CORO7: variants seen among roughly 807,000 people sequenced by gnomAD.
The protein encoded by CORO7 is coronin-7.
CORO7 carries 107 observed loss-of-function variants against 126.6 expected under a neutral mutation model. The observed-to-expected ratio is 0.85, with a 90% CI of 0.72 to 0.99. The LOEUF is 0.99. Among genes scored for constraint, CORO7 ranks in the 50% least tolerant of loss-of-function variants. The probability of loss-of-function intolerance (pLI) is 0.00; values close to 1 mark genes in which losing one functional copy is unlikely to be tolerated. For synonymous variants in CORO7, 603 were observed against 536.8 expected (o/e 1.12, Z -1.70); for missense variants, 1,314 against 1,255.8 (o/e 1.05, Z -0.70).
intron 13 of CORO7, 28 bp from the exon 14 acceptor site, chr16:4,364,441 G>C: frequency 1.3e-6 from 2 of 1,487,068 alleles, no homozygotes; most frequent in Non-Finnish European, 1.8e-6. Context: ...GTGGGGAGAT[G>C]GGGGCATGGG....
chr16:4,407,326 A>G lies in CORO7; in HGVS notation c.487+175T>C, dbSNP rs1038829583. Among the ~76,000 whole-genome samples the G allele has an allele frequency of 1.2e-4, 19 of 152,128 alleles. 1 individual carries two copies. The highest frequency in any genetic ancestry group is 1.3e-4 in the Non-Finnish European group (9 of 68,034). ...GATGAAACTGATGGCTACGGAGAGCAAAGAGAGATGGGGTGTTTATTACAG... is the reference window on the plus strand; with the variant it reads ...GATGAAACTGATGGCTACGGAGAGCGAAGAGAGATGGGGTGTTTATTACAG... On this transcript the variant is annotated intron_variant, in intron 5 of 27. Transcript: ENST00000251166.
intron 23 of CORO7, 158 bp downstream of exon 23, chr16:4,359,138 G>T: frequency 1.3e-6 from 1 of 756,568 alleles, no homozygotes; most frequent in Non-Finnish European, 2.0e-6. Flanking sequence ...AATTCCAGCA[G>T]CAACTCTTCT....
At chr16:4,406,732 T>C (rs2056011363) in intron 5 of CORO7, among the ~76,000 whole-genome samples, 1 of 152,032 alleles carries the variant, frequency 6.6e-6, no homozygotes, top group South Asian at 2.1e-4. Context: ...CTCTGCCTCC[T>C]GGGTTCAGGC....
At chr16:4,382,337 G>C (rs2055013745) in intron 9 of CORO7, 2 of 1,611,286 alleles carry the variant, frequency 1.2e-6, no homozygotes. Flanking sequence ...CTCCAGGGGA[G>C]CTCCGTGCAG....
In CORO7 at chr16:4,416,442, C is replaced by T; in HGVS notation, c.60+17G>A. On this transcript the variant is annotated intron_variant, in intron 1 of 27. Transcript: ENST00000251166. ...GGGGCCCGAGGCGACAGCGCCCGGT[C>T]CTCGGGCCGGACTCACCTCGCGGCG... is the stretch of plus-strand genomic sequence containing the variant. 6.4e-7 allele frequency: 1 copy of T among 1,563,570 alleles called. No individual in the cohort carries two copies. The highest frequency in any genetic ancestry group is 8.6e-7 in the Non-Finnish European group (1 of 1,160,220).
At chr16:4,402,208 G>A (rs2141302661) in intron 6 of CORO7, among the ~76,000 whole-genome samples, 1 of 151,904 alleles carries the variant, frequency 6.6e-6, no homozygotes, top group East Asian at 1.9e-4. Flanking sequence ...AAAGTGCTGG[G>A]ATTACAGGCG....
intron 9 of CORO7, among the ~76,000 whole-genome samples, chr16:4,370,876 G>A (rs1410253158): frequency 6.6e-6 from 1 of 152,240 alleles, no homozygotes; most frequent in Admixed American, 6.5e-5. Context: ...GGCTGGAGGG[G>A]GTGTGGGTGT....
Position 4,362,573 on chromosome 16 carries a change from T to A in CORO7, c.1402+39A>T. 6.6e-7 allele frequency: 1 copy of A among 1,511,436 alleles called. No homozygotes were observed. The highest frequency in any genetic ancestry group is 8.8e-7 in the Non-Finnish European group (1 of 1,133,696). The allele number at this position is 1,511,436 out of a possible 1,614,324, so 93.6% of individuals were successfully genotyped here. A position where few individuals can be genotyped will look rare whatever the true frequency, so the allele number is the denominator to read the frequency against. ...TGACGGGGAGTGGGGCAGACAGGGC[T>A]CCTGCGGTAGGGGTGAGCTCCCCGT... is the stretch of plus-strand genomic sequence containing the variant. On this transcript the variant is annotated intron_variant, in intron 15 of 27. Coordinates refer to ENST00000251166, the MANE Select transcript of CORO7 (RefSeq NM_024535.5). The surrounding 1 kb of genome is among the most constrained non-coding windows in gnomAD (Gnocchi z 5.3).
At chr16:4,361,713 G>T in intron 16 of CORO7, 1 of 788,806 alleles carries the variant, frequency 1.3e-6, no homozygotes, top group Non-Finnish European at 2.1e-6. Context: ...TTAGGGCTCA[G>T]GTGGCCGGGC....
chr16:4,386,602 A>T (rs2141261131), intron 9 of CORO7, among the ~76,000 whole-genome samples: 1 of 152,308 alleles, frequency 6.6e-6, no homozygotes, highest in South Asian at 2.1e-4. Flanking sequence ...GGCGGGTCCC[A>T]CTGACTCCTC....
intron 4 of CORO7, among the ~76,000 whole-genome samples, chr16:4,407,976 T>G (rs2056068342): frequency 6.6e-6 from 1 of 152,098 alleles, no homozygotes; most frequent in African/African-American, 2.4e-5. Flanking sequence ...GTCCTCGGGC[T>G]CCAGGTCAGG....
At chr16:4,357,091 A>T (rs1015265022) in intron 26 of CORO7, 77 bp downstream of exon 26, 3 of 1,573,172 alleles carry the variant, frequency 1.9e-6, no homozygotes, top group Non-Finnish European at 2.6e-6. Flanking sequence ...TGGGTTGGGG[A>T]TGGAGAACTA....
intron 9 of CORO7, chr16:4,382,586 G>A (rs780337131): frequency 1.1e-5 from 18 of 1,586,966 alleles, no homozygotes; most frequent in Admixed American, 5.2e-5. Flanking sequence ...ACCCAGGCCC[G>A]CGAGGGCAAC....
At chr16:4,416,119 C>A (rs925426481) in intron 1 of CORO7, among the ~76,000 whole-genome samples, 1 of 152,102 alleles carries the variant, frequency 6.6e-6, no homozygotes, top group Admixed American at 6.5e-5. Flanking sequence ...CGGCTCCCGG[C>A]GAGGCCGACC....
intron 6 of CORO7, among the ~76,000 whole-genome samples, chr16:4,404,561 G>A (rs867547468): frequency 1.3e-5 from 2 of 152,152 alleles, no homozygotes; most frequent in Non-Finnish European, 2.9e-5. Flanking sequence ...TCCAGGTACC[G>A]CCGGCAGCTC....
At chr16:4,408,380 T>G in intron 3 of CORO7, 129 bp from the exon 4 acceptor site, 7 of 1,291,132 alleles carry the variant, frequency 5.4e-6, no homozygotes, top group African/African-American at 1.5e-5. Context: ...ACAAGGGCCC[T>G]CTGGACACCA....
chr16:4,407,801 C>T, intron 4 of CORO7, 117 bp from the exon 5 acceptor site: 2 of 1,321,048 alleles, frequency 1.5e-6, no homozygotes, highest in Non-Finnish European at 2.0e-6. Flanking sequence ...AGACCACACA[C>T]CTTGGCCTTG....
At chr16:4,371,477 C>A (rs552647583) in intron 9 of CORO7, among the ~76,000 whole-genome samples, 200 of 152,316 alleles carry the variant, frequency 1.3e-3, no homozygotes, top group Non-Finnish European at 2.4e-3. Flanking sequence ...CCTTACCAGC[C>A]CCACTCCCGC....
intron 6 of CORO7, among the ~76,000 whole-genome samples, chr16:4,399,433 A>C (rs1221244900): frequency 1.3e-5 from 2 of 152,206 alleles, no homozygotes; most frequent in African/African-American, 4.8e-5. Context: ...AAAGTAGTCA[A>C]ATTATAGACA....
Sources: allele counts gnomAD v4.1 joint callset (sites outside exome capture counted in the v4.1 genomes callset), GRCh38; gene constraint gnomAD v4.1.1; non-coding constraint Gnocchi (gnomAD v3.1); transcripts MANE v1.5; gene names NCBI Gene and HGNC (gene_info 2026-07-23, HGNC 2026-07-21).